KMT2C: variants seen among roughly 807,000 people sequenced by gnomAD.
The protein encoded by KMT2C is lysine methyltransferase 2C.
In KMT2C, 88 loss-of-function variants were observed where a neutral mutation model predicts 507.9. That is an observed-to-expected ratio of 0.17 (90% CI 0.15 to 0.21). The LOEUF is 0.21. KMT2C is among the 10% of genes least tolerant of loss of function. The probability of loss-of-function intolerance (pLI) is 1.00; values close to 1 mark genes in which losing one functional copy is unlikely to be tolerated. For synonymous variants in KMT2C, 2,049 were observed against 2,080.8 expected, an observed-to-expected ratio of 0.98 and a Z score of 0.42; for missense variants, 4,954 against 5,957.8, an observed-to-expected ratio of 0.83 and a Z score of 5.55.
At chr7:152,264,841 A>G (rs2095836823) in intron 8 of KMT2C, among the ~76,000 whole-genome samples, 197 bp downstream of exon 8, 1 of 151,022 alleles carries the variant, frequency 6.6e-6, no homozygotes, top group Non-Finnish European at 1.5e-5. Context: ...ATATTATAAT[A>G]TAATAACAAA....
At chr7:152,364,617 A>AAAAAG (rs56810754) in intron 1 of KMT2C, among the ~76,000 whole-genome samples, 2 of 149,918 alleles carry the variant, frequency 1.3e-5, no homozygotes, top group Non-Finnish European at 1.5e-5. Flanking sequence ...TCCAAAAAAA[A>AAAAAG]AAAGAAAAGA....
chr7:152,139,059 C>T, intron 57 of KMT2C, 127 bp downstream of exon 57: 2 of 1,025,038 alleles, frequency 2.0e-6, no homozygotes, highest in South Asian at 1.4e-5. Flanking sequence ...ATTCTCAACT[C>T]ATTTGCTCTG....
chr7:152,354,611 T>C (rs1376124138), intron 2 of KMT2C, among the ~76,000 whole-genome samples: 1 of 152,194 alleles, frequency 6.6e-6, no homozygotes, highest in African/African-American at 2.4e-5. Context: ...GGGAAAACTG[T>C]AACTGAGTAG....
chr7:152,290,280 ATATATATATATATATTTTTTTT>A (rs1768175751), intron 6 of KMT2C, among the ~76,000 whole-genome samples: 6 of 31,956 alleles, frequency 1.9e-4, no homozygotes, highest in African/African-American at 8.0e-4. Context: ...ATATATATAT[ATATATATATATATATTTTTTTT>A]TTTTTTTTTT....
chr7:152,204,201 C>T lies in KMT2C; in HGVS notation c.3961+905G>A, dbSNP rs530685308. Among the ~76,000 whole-genome samples, 3 of 151,796 alleles carry T rather than the reference C, an allele frequency of 2.0e-5. No individual in the cohort carries two copies. In the East Asian group the frequency reaches 5.8e-4, roughly 29 times the overall value. On this transcript the variant is annotated intron_variant, in intron 25 of 58. Coordinates refer to ENST00000262189, the MANE Select transcript of KMT2C (RefSeq NM_170606.3). ...TAATCCCAGCCACTTGGGACGCTGA[C>T]GCACGAGAATTGCTTGGACTCGGGA...
chr7:152,152,796 A>G lies in KMT2C; in HGVS notation c.12435T>C (p.Arg4145=), dbSNP rs1424476529. ...GLEYRQHLLL[R]GPPPGSANPP... Reference sequence around the variant, plus strand: ...GGTTTGCAGATCCTGGCGGAGGCCCACGGAGAAGTAAATGCTGTCGATACT... The same window carrying G: ...GGTTTGCAGATCCTGGCGGAGGCCCGCGGAGAAGTAAATGCTGTCGATACT... Residue 4145 remains arginine, a synonymous_variant, in exon 49 of 59, where the codon CGT becomes CGC. Transcript: ENST00000262189. The G allele has an allele frequency of 6.2e-7, 1 of 1,614,190 alleles. No individual in the cohort carries two copies. The highest frequency in any genetic ancestry group is 1.1e-5 in the South Asian group (1 of 91,082).
intron 1 of KMT2C, among the ~76,000 whole-genome samples, 154 bp from the exon 2 acceptor site, chr7:152,358,829 A>T (rs537643466): frequency 6.6e-6 from 1 of 152,352 alleles, no homozygotes; most frequent in Admixed American, 6.5e-5. Flanking sequence ...AGAAAATATC[A>T]GAGTTTACAG....
intron 1 of KMT2C, among the ~76,000 whole-genome samples, chr7:152,371,303 T>C (rs1287976349): frequency 6.6e-6 from 1 of 152,162 alleles, no homozygotes; most frequent in African/African-American, 2.4e-5. Flanking sequence ...ACTGTTGAGG[T>C]TGTCAGCTTA....
chr7:152,409,892 G>A (rs1831136), intron 1 of KMT2C, among the ~76,000 whole-genome samples: 2 of 151,648 alleles, frequency 1.3e-5, no homozygotes, highest in South Asian at 4.1e-4. Context: ...GAATCACAGT[G>A]TTCTTTCAGA....
At chr7:152,355,356 A>C (rs965258983) in intron 2 of KMT2C, among the ~76,000 whole-genome samples, 3 of 152,196 alleles carry the variant, frequency 2.0e-5, no homozygotes, top group Non-Finnish European at 2.9e-5. Context: ...AGATGTTAAG[A>C]AACAAGCTGA....
chr7:152,161,995 A>C, intron 43 of KMT2C, 122 bp downstream of exon 43: 2 of 1,142,628 alleles, frequency 1.8e-6, no homozygotes, highest in Non-Finnish European at 2.3e-6. Context: ...CAAAATAAAA[A>C]ATGGTCCTTT....
At chr7:152,184,350 A>T (rs547668252) in intron 34 of KMT2C, among the ~76,000 whole-genome samples, 4 of 152,130 alleles carry the variant, frequency 2.6e-5, no homozygotes, top group Non-Finnish European at 5.9e-5. Context: ...AACTATATAT[A>T]TTTTCCAACA....
intron 1 of KMT2C, among the ~76,000 whole-genome samples, chr7:152,387,593 C>G (rs975769287): frequency 6.6e-6 from 1 of 151,908 alleles, no homozygotes; most frequent in Non-Finnish European, 1.5e-5. Flanking sequence ...GCCTCAGCCT[C>G]CCAAGTAGCT....
At chr7:152,189,914 G>C (rs1563325205) in intron 31 of KMT2C, among the ~76,000 whole-genome samples, 1 of 152,232 alleles carries the variant, frequency 6.6e-6, no homozygotes, top group African/African-American at 2.4e-5. Context: ...ACTGGTACCA[G>C]TCCATGACCT....
chr7:152,162,401 C>G lies in KMT2C; in HGVS notation c.11176G>C (p.Glu3726Gln), dbSNP rs779566409. ...EEIKLEKAET[E>Q]SCPGQEEPKL... ...GGCTCCTCTTGGCCTGGGCAGGACT[C>G]TGTCTCAGCCTTTTCCAGTTTTATC... is the stretch of plus-strand genomic sequence containing the variant. Residue 3726 changes from glutamate to glutamine, a missense_variant, in exon 43 of 59, where the codon GAG becomes CAG. Glu to Gln is a conservative substitution (Grantham distance 29, BLOSUM62 2). This residue lies in a region of KMT2C where 801 missense variants were observed against 751.2 expected (regional missense o/e 1.07). Coordinates refer to ENST00000262189, the MANE Select transcript of KMT2C (RefSeq NM_170606.3). The G allele has an allele frequency of 6.2e-7, 1 of 1,614,244 alleles. No homozygotes were observed. The highest frequency in any genetic ancestry group is 8.5e-7 in the Non-Finnish European group (1 of 1,180,046).
chr7:152,434,756 T>G (rs1312255502), intron 1 of KMT2C, among the ~76,000 whole-genome samples: 1 of 152,140 alleles, frequency 6.6e-6, no homozygotes, highest in African/African-American at 2.4e-5. Flanking sequence ...AAGAAGACAT[T>G]TCTGGTCCTC....
intron 6 of KMT2C, among the ~76,000 whole-genome samples, chr7:152,299,049 G>A (rs1158481860): frequency 3.9e-5 from 6 of 152,270 alleles, no homozygotes; most frequent in Admixed American, 3.3e-4. Context: ...GCTGGGCACG[G>A]TGGCTCACGC....
chr7:152,288,841 T>G (rs141826020), intron 6 of KMT2C, among the ~76,000 whole-genome samples: 2 of 152,234 alleles, frequency 1.3e-5, no homozygotes, highest in East Asian at 3.9e-4. Context: ...GACAGCAGAT[T>G]TCTCACCTGA....
intron 23 of KMT2C, among the ~76,000 whole-genome samples, chr7:152,211,943 G>A (rs917948692): frequency 6.6e-6 from 1 of 152,162 alleles, no homozygotes; most frequent in African/African-American, 2.4e-5. Flanking sequence ...AGCTACTCCA[G>A]AGGCTGAGGC....
Sources: gnomAD v4.1 joint callset for allele counts (sites outside exome capture counted in the v4.1 genomes callset) on GRCh38, gnomAD v4.1.1 for gene constraint, gnomAD v4.1.1 regional missense constraint, MANE v1.5 for transcripts, NCBI Gene and HGNC (gene_info 2026-07-23, HGNC 2026-07-21) for gene names.